The following PRKACB variants were observed in gnomAD, a reference collection of about 807,000 sequenced individuals.
PRKACB encodes the protein cAMP-dependent protein kinase catalytic subunit beta.
PRKACB carries 16 observed loss-of-function variants against 51.4 expected under a neutral mutation model. The observed-to-expected ratio is 0.31, with a 90% CI of 0.21 to 0.47. The LOEUF (loss-of-function observed/expected upper bound fraction) is 0.47. Among genes scored for constraint, PRKACB ranks in the 20% least tolerant of loss-of-function variants. The pLI, the probability that PRKACB is intolerant of heterozygous loss-of-function variation, is 1.00. For synonymous variants in PRKACB, 147 were observed against 154.4 expected, an observed-to-expected ratio of 0.95 and a Z score of 0.35; for missense variants, 309 against 464.5, an observed-to-expected ratio of 0.67 and a Z score of 3.08.
At chr1:84,229,800 T>G (rs1675291963) in intron 9 of PRKACB, among the ~76,000 whole-genome samples, 1 of 152,038 alleles carries the variant, frequency 6.6e-6, no homozygotes, top group Non-Finnish European at 1.5e-5. Context: ...TCTTGTAAAT[T>G]TGTTTGAGTT....
chr1:84,205,812 A>G (rs1299934742), intron 8 of PRKACB, among the ~76,000 whole-genome samples: 1 of 152,192 alleles, frequency 6.6e-6, no homozygotes, highest in East Asian at 1.9e-4. Flanking sequence ...GCCTTTAAAA[A>G]AACAGAGGAG....
rs41301150 is a variant in PRKACB at position 84,184,936 on chromosome 1, G to A, written c.478-164G>A. Among the ~76,000 whole-genome samples, 303 of 151,984 alleles carry A rather than the reference G, an allele frequency of 2.0e-3. 2 individuals carry two copies. The highest frequency in any genetic ancestry group is 6.9e-3 in the African/African-American group (286 of 41,528). ...AATAACTAGGAGGGGAAAAATATGA[G>A]TGTCTCTGTATAGAAAAGCTAGAGC... On this transcript the variant is annotated intron_variant, in intron 4 of 9. Coordinates refer to ENST00000370685, the MANE Select transcript of PRKACB (RefSeq NM_182948.4).
chr1:84,205,571 C>T (rs967785410), intron 8 of PRKACB: 2 of 151,998 alleles, frequency 1.3e-5, no homozygotes. Flanking sequence ...GAAACAGCAT[C>T]TTATATTGAT....
chr1:84,231,440 T>G (rs1675635676), intron 9 of PRKACB, among the ~76,000 whole-genome samples: 1 of 152,206 alleles, frequency 6.6e-6, no homozygotes, highest in African/African-American at 2.4e-5. Context: ...CCTCATAAAA[T>G]GAGTTAGGGA....
intron 1 of PRKACB, among the ~76,000 whole-genome samples, chr1:84,103,661 G>C (rs1649520258): frequency 6.6e-6 from 1 of 152,146 alleles, no homozygotes; most frequent in African/African-American, 2.4e-5. Flanking sequence ...GAGATGAACA[G>C]TTCCTACTGT....
chr1:84,121,514 C>T (rs1293785822), intron 1 of PRKACB, among the ~76,000 whole-genome samples: 2 of 152,068 alleles, frequency 1.3e-5, no homozygotes, highest in African/African-American at 4.8e-5. Flanking sequence ...TAAACTTTCC[C>T]TTATTCAGAT....
intron 1 of PRKACB, among the ~76,000 whole-genome samples, chr1:84,121,033 A>G (rs777383366): frequency 6.6e-6 from 1 of 152,132 alleles, no homozygotes; most frequent in African/African-American, 2.4e-5. Flanking sequence ...TGTACTAGCT[A>G]TCACGAGTTT....
chr1:84,153,111 TG>T (rs1655037014), intron 1 of PRKACB, among the ~76,000 whole-genome samples: 1 of 151,858 alleles, frequency 6.6e-6, no homozygotes, highest in South Asian at 2.1e-4. Flanking sequence ...GGGAGAGAAA[TG>T]GGGGACTAGC....
chr1:84,121,295 T>C (rs930600557), intron 1 of PRKACB, among the ~76,000 whole-genome samples: 11 of 152,234 alleles, frequency 7.2e-5, no homozygotes, highest in African/African-American at 2.6e-4. Context: ...CATATTTCAT[T>C]ATGTTTCTTC....
intron 1 of PRKACB, among the ~76,000 whole-genome samples, chr1:84,101,808 TTAATC>T (rs1429800628): frequency 3.9e-5 from 6 of 152,136 alleles, no homozygotes; most frequent in African/African-American, 1.2e-4. Flanking sequence ...TAACAGGAAT[TTAATC>T]TATCTAAATA....
At chr1:84,212,712 T>C (rs1672318455) in intron 8 of PRKACB, among the ~76,000 whole-genome samples, 1 of 152,098 alleles carries the variant, frequency 6.6e-6, no homozygotes, top group Non-Finnish European at 1.5e-5. Flanking sequence ...CCAACTAGAA[T>C]GTAAGTTCCA....
intron 1 of PRKACB, among the ~76,000 whole-genome samples, chr1:84,083,852 G>A (rs955492134): frequency 2.0e-5 from 3 of 152,134 alleles, no homozygotes; most frequent in African/African-American, 4.8e-5. Context: ...AGAATGTCCT[G>A]TATAGTTCTT....
chr1:84,218,081 G>T (rs2101605620), intron 9 of PRKACB, among the ~76,000 whole-genome samples: 1 of 152,270 alleles, frequency 6.6e-6, no homozygotes, highest in South Asian at 2.1e-4. Flanking sequence ...TGCGTAGTAT[G>T]TGTAGTGATC....
At chr1:84,219,298 C>T (rs573984714) in intron 9 of PRKACB, among the ~76,000 whole-genome samples, 13 of 151,004 alleles carry the variant, frequency 8.6e-5, no homozygotes, top group South Asian at 8.3e-4. Context: ...AATCTCGGCT[C>T]GCTGCACCCT....
chr1:84,118,257 G>C (rs772501596), intron 1 of PRKACB, among the ~76,000 whole-genome samples: 2 of 152,026 alleles, frequency 1.3e-5, no homozygotes, highest in Admixed American at 6.6e-5. Flanking sequence ...AATGTTCCCT[G>C]TGTGTTCTCC....
chr1:84,223,378 GT>G (rs57372046), intron 9 of PRKACB, among the ~76,000 whole-genome samples: 5 of 19,364 alleles, frequency 2.6e-4, no homozygotes, highest in Admixed American at 2.0e-3. Context: ...TTGTTTTTTT[GT>G]TTTTTTTGAA....
chr1:84,210,032 G>C (rs1671896409), intron 8 of PRKACB, among the ~76,000 whole-genome samples: 1 of 152,020 alleles, frequency 6.6e-6, no homozygotes, highest in South Asian at 2.1e-4. Flanking sequence ...CTCTATCTTT[G>C]GTATCTCTCC....
intron 1 of PRKACB, among the ~76,000 whole-genome samples, chr1:84,146,978 G>T (rs1249593055): frequency 1.3e-5 from 2 of 151,968 alleles, no homozygotes; most frequent in Non-Finnish European, 2.9e-5. Flanking sequence ...TCTGCTTTTT[G>T]TTCCAACTCA....
At chr1:84,118,497 T>C (rs1650807339) in intron 1 of PRKACB, among the ~76,000 whole-genome samples, 1 of 152,062 alleles carries the variant, frequency 6.6e-6, no homozygotes, top group South Asian at 2.1e-4. Flanking sequence ...TATTCCAAAA[T>C]ATCAATAATA....
Sources: allele counts gnomAD v4.1 joint callset (sites outside exome capture counted in the v4.1 genomes callset), GRCh38; gene constraint gnomAD v4.1.1; transcripts MANE v1.5; gene names NCBI Gene and HGNC (gene_info 2026-07-23, HGNC 2026-07-21).